ADGRA3: variants seen among roughly 807,000 people sequenced by gnomAD.
ADGRA3 encodes the protein G-protein coupled receptor 125.
ADGRA3 carries 56 observed loss-of-function variants against 119.8 expected under a neutral mutation model. The observed-to-expected ratio is 0.47, with a 90% CI of 0.38 to 0.58. The LOEUF is 0.58. ADGRA3 is among the 20% of genes least tolerant of loss of function. The pLI is 0.00. For synonymous variants in ADGRA3, 607 were observed against 623.8 expected (o/e 0.97, Z 0.40); for missense variants, 1,516 against 1,649.0 (o/e 0.92, Z 1.40).
At chr4:22,467,523 C>CT (rs1283730588) in intron 2 of ADGRA3, among the ~76,000 whole-genome samples, 4 of 152,172 alleles carry the variant, frequency 2.6e-5, no homozygotes. Context: ...TAAACAGCAT[C>CT]TACAACAGGA....
At chr4:22,484,584 G>A (rs1359365764) in intron 1 of ADGRA3, among the ~76,000 whole-genome samples, 3 of 147,878 alleles carry the variant, frequency 2.0e-5, no homozygotes, top group East Asian at 2.0e-4. Flanking sequence ...TAGCCTAGGC[G>A]ATAGAGTGAG....
At chr4:22,389,781 G>C (rs1381598198) in intron 17 of ADGRA3, among the ~76,000 whole-genome samples, 2 of 152,068 alleles carry the variant, frequency 1.3e-5, no homozygotes, top group Non-Finnish European at 2.9e-5. Context: ...AAATGATGGT[G>C]CAATAAAAAC....
chr4:22,400,316 T>C (rs954730081), intron 16 of ADGRA3, among the ~76,000 whole-genome samples: 5 of 152,034 alleles, frequency 3.3e-5, no homozygotes, highest in African/African-American at 9.7e-5. Flanking sequence ...CAACAACAAA[T>C]AGATAAAGAA....
At chr4:22,400,921 T>A (rs1419966296) in intron 16 of ADGRA3, among the ~76,000 whole-genome samples, 2 of 152,202 alleles carry the variant, frequency 1.3e-5, no homozygotes, top group African/African-American at 4.8e-5. Context: ...TCCATTTTTA[T>A]ATTTATGCTG....
chr4:22,392,573 G>A lies in ADGRA3; in HGVS notation c.2599C>T (p.Pro867Ser), dbSNP rs374755307. Residue 867 changes from proline to serine, a missense_variant, in exon 17 of 19, where the codon CCA becomes TCA. This residue lies in a region of ADGRA3 where 1,088 missense variants were observed against 1,107.1 expected (regional missense o/e 0.98). Coordinates refer to ENST00000334304, the MANE Select transcript of ADGRA3 (RefSeq NM_145290.4). Reference sequence around the variant, plus strand: ...AGCATTGGTCTTGGTGGAGGTGGTGGTTCATCAGGATCCTGGCATCTTTTA... The same window carrying A: ...AGCATTGGTCTTGGTGGAGGTGGTGATTCATCAGGATCCTGGCATCTTTTA... ...KAKRCQDPDE[P>S]PPPPRPMLRF... The A allele has an allele frequency of 3.1e-6, 5 of 1,613,954 alleles. No homozygotes were observed. The highest frequency in any genetic ancestry group is 4.2e-6 in the Non-Finnish European group (5 of 1,179,884).
intron 2 of ADGRA3, among the ~76,000 whole-genome samples, chr4:22,465,548 C>T (rs1717625009): frequency 6.6e-6 from 1 of 152,166 alleles, no homozygotes; most frequent in East Asian, 1.9e-4. Flanking sequence ...AGCCTGAAAT[C>T]CACCTCTAAC....
intron 11 of ADGRA3, 35 bp downstream of exon 11, chr4:22,424,156 T>C: frequency 6.4e-7 from 1 of 1,566,500 alleles, no homozygotes; most frequent in Non-Finnish European, 8.7e-7. Context: ...AAATGCACTT[T>C]TTTTCTCAGG....
chr4:22,450,204 CA>C (rs777457084), intron 4 of ADGRA3, among the ~76,000 whole-genome samples: 1 of 150,960 alleles, frequency 6.6e-6, no homozygotes, highest in Admixed American at 6.6e-5. Flanking sequence ...GCTCCTGTAT[CA>C]CAATAAGCTC....
chr4:22,497,759 C>CAAAAAA (rs67569148), intron 1 of ADGRA3, among the ~76,000 whole-genome samples: 10 of 71,380 alleles, frequency 1.4e-4, no homozygotes, highest in African/African-American at 5.2e-4. Context: ...ATTGCTGTCT[C>CAAAAAA]AAAAAAAAAA....
At chr4:22,398,214 A>G (rs1193447523) in intron 16 of ADGRA3, 1 of 840,886 alleles carries the variant, frequency 1.2e-6, no homozygotes, top group East Asian at 1.2e-4. Context: ...AACAGGTAAC[A>G]TTTATTGAAC....
intron 10 of ADGRA3, among the ~76,000 whole-genome samples, chr4:22,429,549 C>G (rs1716075974): frequency 6.6e-6 from 1 of 152,108 alleles, no homozygotes; most frequent in African/African-American, 2.4e-5. Context: ...TCAAAGGACA[C>G]CACCTCCAGC....
chr4:22,415,331 T>C (rs2109026622), intron 12 of ADGRA3, among the ~76,000 whole-genome samples: 1 of 152,294 alleles, frequency 6.6e-6, no homozygotes, highest in African/African-American at 2.4e-5. Context: ...CATAAATATC[T>C]TTTCAATGTA....
In ADGRA3 at chr4:22,392,704, C is replaced by T. The variant is rs767833342; in HGVS notation, c.2482-14G>A. On this transcript the variant is annotated splice_polypyrimidine_tract_variant and intron_variant, in intron 16 of 18. Transcript: ENST00000334304. ...AATTATCCCAACCTACAAGGAAGAT[C>T]AAAGAATAAATAAAAGAAAAAAAAT... The T allele has an allele frequency of 6.3e-7, 1 of 1,590,506 alleles. No homozygotes were observed. The highest frequency in any genetic ancestry group is 1.4e-5 in the African/African-American group (1 of 73,146).
intron 17 of ADGRA3, among the ~76,000 whole-genome samples, chr4:22,390,397 TATATAA>T (rs1466787442): frequency 0.16 from 4,343 of 26,988 alleles, 617 homozygotes; most frequent in African/African-American, 0.33. Flanking sequence ...ATTATATATA[TATATAA>T]AATACGTATT....
At chr4:22,458,710 C>T (rs1717332593) in intron 3 of ADGRA3, among the ~76,000 whole-genome samples, 1 of 152,236 alleles carries the variant, frequency 6.6e-6, no homozygotes, top group African/African-American at 2.4e-5. Flanking sequence ...CAATCTGATG[C>T]CTAATGTCTA....
In ADGRA3 at chr4:22,387,466, C is replaced by A; in HGVS notation, c.*239G>T. On this transcript the variant is annotated 3_prime_UTR_variant, in exon 19 of 19. Transcript: ENST00000334304. ...GATTCCAAGAAATTACATTTCACATCCCAAAATGTCCTGTTGGTGCTTTGA... is the reference window on the plus strand; with the variant it reads ...GATTCCAAGAAATTACATTTCACATACCAAAATGTCCTGTTGGTGCTTTGA... 1 of 413,766 alleles carries A rather than the reference C, an allele frequency of 2.4e-6. No homozygotes were observed. Among genetic ancestry groups the A allele is most frequent in the South Asian group, 8.1e-5 (1 of 12,342 alleles). The allele number at this position is 413,766 out of a possible 1,614,324, so 25.6% of individuals were successfully genotyped here. A position where few individuals can be genotyped will look rare whatever the true frequency, so the allele number is the denominator to read the frequency against.
intron 14 of ADGRA3, among the ~76,000 whole-genome samples, chr4:22,411,369 C>A (rs1297862117): frequency 1.3e-5 from 2 of 152,110 alleles, no homozygotes; most frequent in African/African-American, 4.8e-5. Context: ...GAGCTTGAGG[C>A]AGGCAGATCA....
chr4:22,451,046 A>C (rs1400668214), intron 4 of ADGRA3, among the ~76,000 whole-genome samples: 1 of 150,396 alleles, frequency 6.6e-6, no homozygotes, highest in Non-Finnish European at 1.5e-5. Flanking sequence ...TTTTTCCTTC[A>C]TATGATTTTA....
At chr4:22,483,403 A>G (rs1158167968) in intron 1 of ADGRA3, among the ~76,000 whole-genome samples, 1 of 152,150 alleles carries the variant, frequency 6.6e-6, no homozygotes, top group African/African-American at 2.4e-5. Flanking sequence ...ACCTATAATT[A>G]ATGGCATGCA....
Sources: allele counts gnomAD v4.1 joint callset (sites outside exome capture counted in the v4.1 genomes callset), GRCh38; gene constraint gnomAD v4.1.1; regional missense constraint gnomAD v4.1.1; transcripts MANE v1.5; gene names NCBI Gene and HGNC (gene_info 2026-07-23, HGNC 2026-07-21).